The following BABAM2 variants were observed in gnomAD, a reference collection of about 807,000 sequenced individuals.
BABAM2 encodes the protein BRISC and BRCA1 A complex member 2, also known as BRISC and BRCA1-A complex member 2.
BABAM2 carries 31 observed loss-of-function variants against 54.7 expected under a neutral mutation model. The ratio of observed to expected loss-of-function variants is 0.57; its 90% confidence interval spans 0.43 to 0.77. BABAM2 has a LOEUF of 0.77. BABAM2 is among the 30% of genes least tolerant of loss of function. The pLI, the probability that BABAM2 is intolerant of heterozygous loss-of-function variation, is 0.00. For synonymous variants in BABAM2, 167 were observed against 162.9 expected, an observed-to-expected ratio of 1.03 and a Z score of -0.19; for missense variants, 364 against 455.8, an observed-to-expected ratio of 0.80 and a Z score of 1.83.
chr2:27,905,896 A>G (rs1003362708), intron 2 of BABAM2, among the ~76,000 whole-genome samples: 7 of 152,222 alleles, frequency 4.6e-5, no homozygotes, highest in African/African-American at 1.7e-4. Context: ...AGGTGGATGA[A>G]ACTTAGAATA....
At chr2:28,067,123 C>T (rs981095527) in intron 6 of BABAM2, among the ~76,000 whole-genome samples, 1 of 151,566 alleles carries the variant, frequency 6.6e-6, no homozygotes, top group Admixed American at 6.6e-5. Flanking sequence ...GTAGAGATGG[C>T]GTTTCACCAT....
At chr2:28,310,272 C>A (rs1383391878) in intron 11 of BABAM2, 33 of 985,544 alleles carry the variant, frequency 3.3e-5, no homozygotes, top group Non-Finnish European at 4.4e-5. Context: ...GAGGAAGCCA[C>A]TCACCATCCT....
chr2:28,168,442 G>A (rs936761132), intron 7 of BABAM2, among the ~76,000 whole-genome samples: 36 of 152,122 alleles, frequency 2.4e-4, no homozygotes, highest in Admixed American at 2.2e-3. Context: ...ACATGGTGTG[G>A]CATCATAGGA....
Position 27,995,226 on chromosome 2 carries a change from A to G in BABAM2, c.300+7139A>G, listed in dbSNP as rs377703418. On this transcript the variant is annotated intron_variant, in intron 4 of 11. Transcript: ENST00000379624. The surrounding 1 kb of genome is among the most constrained non-coding windows in gnomAD (Gnocchi z 4.1). ...GTAAGCCAGAGCTGGCAAAGTGGAA[A>G]TGGGCTGGTTTCAGTGAAACAGGCT... Among the ~76,000 whole-genome samples, 21 of 152,172 alleles carry G rather than the reference A, an allele frequency of 1.4e-4. No individual in the cohort carries two copies. The highest frequency in any genetic ancestry group is 5.8e-4 in the East Asian group (3 of 5,188).
chr2:28,092,749 C>CCT (rs70953901), intron 6 of BABAM2, among the ~76,000 whole-genome samples: 121,905 of 146,828 alleles, frequency 0.83, 51,810 homozygotes, highest in East Asian at 0.98. Context: ...TTCGTCTCTG[C>CCT]CTCTCTCTCT....
At chr2:27,950,548 T>G (rs1213387472) in intron 3 of BABAM2, among the ~76,000 whole-genome samples, 1 of 152,166 alleles carries the variant, frequency 6.6e-6, no homozygotes, top group African/African-American at 2.4e-5. Context: ...TGGATTTAAT[T>G]TGCTAAAGTT....
At chr2:28,061,584 C>CAAAA (rs397871191) in intron 6 of BABAM2, among the ~76,000 whole-genome samples, 1 of 54,058 alleles carries the variant, frequency 1.8e-5, no homozygotes, top group African/African-American at 6.3e-5. Flanking sequence ...GACTCTGTCT[C>CAAAA]AAAAAAAAAA....
At chr2:27,959,899 G>A (rs1015656432) in intron 3 of BABAM2, among the ~76,000 whole-genome samples, 1 of 151,686 alleles carries the variant, frequency 6.6e-6, no homozygotes, top group African/African-American at 2.4e-5. Context: ...TTTTACTCTG[G>A]TCATAGTTTT....
intron 7 of BABAM2, among the ~76,000 whole-genome samples, chr2:28,227,679 C>G (rs988417709): frequency 6.6e-6 from 1 of 152,166 alleles, no homozygotes; most frequent in Non-Finnish European, 1.5e-5. Flanking sequence ...TCCCATGCCA[C>G]GGGGATGGGA....
chr2:28,241,204 G>A, intron 8 of BABAM2, 119 bp from the exon 9 acceptor site: 1 of 912,496 alleles, frequency 1.1e-6, no homozygotes. Flanking sequence ...AATGTAGGTA[G>A]TGGGAATACC....
At chr2:28,150,764 C>T (rs1305506034) in intron 7 of BABAM2, among the ~76,000 whole-genome samples, 1 of 152,142 alleles carries the variant, frequency 6.6e-6, no homozygotes, top group African/African-American at 2.4e-5. Flanking sequence ...CCAGGTGACC[C>T]GAGGCTGGTA....
chr2:28,118,137 C>T (rs780198983), intron 6 of BABAM2, among the ~76,000 whole-genome samples: 27 of 152,130 alleles, frequency 1.8e-4, no homozygotes, highest in Non-Finnish European at 2.8e-4. Context: ...CAATATGATT[C>T]GTAAAACAGT....
At chr2:28,015,448 A>G (rs1410668794) in intron 4 of BABAM2, among the ~76,000 whole-genome samples, 1 of 152,172 alleles carries the variant, frequency 6.6e-6, no homozygotes, top group Non-Finnish European at 1.5e-5. Flanking sequence ...GTTTATCTTT[A>G]GACACTTCTA....
intron 6 of BABAM2, among the ~76,000 whole-genome samples, chr2:28,089,776 C>G (rs1666001615): frequency 6.6e-6 from 1 of 152,106 alleles, no homozygotes; most frequent in South Asian, 2.1e-4. Context: ...ATTTTGTATT[C>G]AGTGCAGTAA....
At chr2:28,268,491 G>C (rs1685166448) in intron 10 of BABAM2, among the ~76,000 whole-genome samples, 1 of 152,148 alleles carries the variant, frequency 6.6e-6, no homozygotes, top group African/African-American at 2.4e-5. Context: ...CAGACCTTAA[G>C]TGTGTATTAC....
chr2:28,181,149 A>T (rs541314079), intron 7 of BABAM2, among the ~76,000 whole-genome samples: 2 of 152,314 alleles, frequency 1.3e-5, no homozygotes, highest in South Asian at 4.1e-4. Flanking sequence ...ATCTAAGGAG[A>T]TACCTGTACC....
chr2:28,302,957 A>G (rs375000112), intron 11 of BABAM2, among the ~76,000 whole-genome samples: 5 of 151,994 alleles, frequency 3.3e-5, no homozygotes, highest in Non-Finnish European at 7.4e-5. Flanking sequence ...GTTTCTTTAT[A>G]TATTTGTCAG....
chr2:27,911,760 A>G (rs1666619971), intron 2 of BABAM2, among the ~76,000 whole-genome samples: 1 of 152,114 alleles, frequency 6.6e-6, no homozygotes. Context: ...ACCAGTCCTA[A>G]CTAGACTCTT....
At chr2:28,111,691 T>C (rs1668035068) in intron 6 of BABAM2, among the ~76,000 whole-genome samples, 1 of 152,232 alleles carries the variant, frequency 6.6e-6, no homozygotes, top group South Asian at 2.1e-4. Context: ...CCGTTTTCTT[T>C]TTCTTAATTG....
Sources: gnomAD v4.1 joint callset for allele counts (sites outside exome capture counted in the v4.1 genomes callset) on GRCh38, gnomAD v4.1.1 for gene constraint, Gnocchi (gnomAD v3.1) non-coding constraint, MANE v1.5 for transcripts, NCBI Gene and HGNC (gene_info 2026-07-23, HGNC 2026-07-21) for gene names.